Variants in CBFA2T3 observed in about 807,000 individuals in gnomAD.
The protein encoded by CBFA2T3 is CBFA2/RUNX1 partner transcriptional co-repressor 3, also known as transcriptional corepressor CBFA2T3.
In CBFA2T3, 31 loss-of-function variants were observed where a neutral mutation model predicts 58.6. That is an observed-to-expected ratio of 0.53 (90% CI 0.40 to 0.71). CBFA2T3 has a LOEUF of 0.71. CBFA2T3 is among the 30% of genes least tolerant of loss of function. CBFA2T3 has a pLI of 0.00. For missense variants in CBFA2T3, 1,076 were observed against 963.1 expected (o/e 1.12, Z -1.55); for synonymous variants, 531 against 421.9 (o/e 1.26, Z -3.17).
chr16:88,901,093 C>T (rs770260338), intron 2 of CBFA2T3, among the ~76,000 whole-genome samples: 1 of 152,262 alleles, frequency 6.6e-6, no homozygotes, highest in Non-Finnish European at 1.5e-5. Context: ...TGCGGAAGCC[C>T]CTGACCCCAT....
At chr16:88,959,854 C>T (rs1972317227) in intron 1 of CBFA2T3, among the ~76,000 whole-genome samples, 1 of 152,034 alleles carries the variant, frequency 6.6e-6, no homozygotes, top group Non-Finnish European at 1.5e-5. Flanking sequence ...GGTGAAACTC[C>T]ATCTCTACTA....
At chr16:88,917,515 T>C (rs1463719193) in intron 1 of CBFA2T3, among the ~76,000 whole-genome samples, 1 of 152,194 alleles carries the variant, frequency 6.6e-6, no homozygotes, top group East Asian at 1.9e-4. Context: ...TGTTAGGATT[T>C]TCCACCAATG....
At chr16:88,919,653 C>G (rs1441760044) in intron 1 of CBFA2T3, among the ~76,000 whole-genome samples, 1 of 152,212 alleles carries the variant, frequency 6.6e-6, no homozygotes, top group Non-Finnish European at 1.5e-5. Flanking sequence ...CCACCCAGAG[C>G]AGCCTCTCCG....
At chr16:88,899,610 A>C (rs759963302) in intron 2 of CBFA2T3, among the ~76,000 whole-genome samples, 25 of 151,978 alleles carry the variant, frequency 1.6e-4, no homozygotes, top group Non-Finnish European at 2.5e-4. Flanking sequence ...CGCTCTGCTG[A>C]TCCCAACCCA....
At chr16:88,908,905 C>T (rs755511599) in intron 1 of CBFA2T3, among the ~76,000 whole-genome samples, 32 of 152,226 alleles carry the variant, frequency 2.1e-4, no homozygotes, top group Non-Finnish European at 4.6e-4. Flanking sequence ...CACCTCATTT[C>T]GTGCCCCCGA....
intron 1 of CBFA2T3, among the ~76,000 whole-genome samples, chr16:88,926,427 G>T (rs1345575724): frequency 6.6e-6 from 1 of 152,212 alleles, no homozygotes; most frequent in Non-Finnish European, 1.5e-5. Context: ...CAAAATGTCG[G>T]TGTCTGCTCA....
chr16:88,891,823 T>C, intron 5 of CBFA2T3, 59 bp downstream of exon 5: 3 of 1,182,146 alleles, frequency 2.5e-6, no homozygotes, highest in Admixed American at 3.6e-5. Flanking sequence ...TGGCAAGGAG[T>C]GGGATTAAGG....
intron 1 of CBFA2T3, among the ~76,000 whole-genome samples, chr16:88,936,188 G>T (rs370077803): frequency 3.3e-5 from 5 of 152,282 alleles, no homozygotes; most frequent in African/African-American, 1.2e-4. Flanking sequence ...GTGTGACCTG[G>T]GGCCACCAGG....
chr16:88,930,881 G>C (rs1052608455), intron 1 of CBFA2T3, among the ~76,000 whole-genome samples: 45 of 151,398 alleles, frequency 3.0e-4, no homozygotes, highest in Non-Finnish European at 1.6e-4. Context: ...GGCAGTGGGA[G>C]TGGGGTTTCC....
At chr16:88,936,027 C>T (rs1047952819) in intron 1 of CBFA2T3, among the ~76,000 whole-genome samples, 2 of 152,150 alleles carry the variant, frequency 1.3e-5, no homozygotes, top group South Asian at 2.1e-4. Flanking sequence ...GCTGCAGTCA[C>T]CCCTGGCCCT....
intron 1 of CBFA2T3, chr16:88,941,313 T>C (rs1424284840): frequency 1.3e-5 from 4 of 297,942 alleles, no homozygotes; most frequent in Non-Finnish European, 2.0e-5. Flanking sequence ...CCGCCGCGCC[T>C]GTGGCTCCAA....
chr16:88,905,676 T>A (rs1567597352), intron 1 of CBFA2T3, among the ~76,000 whole-genome samples: 1 of 120,566 alleles, frequency 8.3e-6, no homozygotes, highest in Admixed American at 8.5e-5. Flanking sequence ...GAGGTGGGGC[T>A]GAAGGAGGGG....
intron 1 of CBFA2T3, among the ~76,000 whole-genome samples, chr16:88,916,016 G>A (rs111445102): frequency 0.064 from 9,803 of 152,168 alleles, 722 homozygotes; most frequent in African/African-American, 0.18. Context: ...ATGGGTGTGT[G>A]TCCGTGTGTA....
At position 88,885,040 on chromosome 16, in the gene CBFA2T3, G is replaced by A. The variant is rs377342150; in HGVS notation, c.1117+6C>T. On this transcript the variant is annotated splice_donor_region_variant and intron_variant, in intron 7 of 11. Coordinates refer to ENST00000268679, the MANE Select transcript of CBFA2T3 (RefSeq NM_005187.6). This position sits in a 1 kb window ranked among gnomAD's most constrained non-coding sequence, Gnocchi z 5.3. ...GTCCACGCTCCCGCCCCACCGGGCT[G>A]CTCACCAAGCGGCCGATGGCGCTCT... 50 of 1,591,380 alleles carry A rather than the reference G, an allele frequency of 3.1e-5. No homozygotes were observed. In the African/African-American group the frequency reaches 5.5e-4, roughly 17 times the overall value.
chr16:88,959,648 C>T (rs1567635463), intron 1 of CBFA2T3, among the ~76,000 whole-genome samples: 1 of 152,196 alleles, frequency 6.6e-6, no homozygotes, highest in African/African-American at 2.4e-5. Context: ...CCCTCCTTTT[C>T]CTCCTCCTTC....
At chr16:88,952,135 C>T (rs1040827613) in intron 1 of CBFA2T3, among the ~76,000 whole-genome samples, 7 of 152,126 alleles carry the variant, frequency 4.6e-5, no homozygotes, top group Admixed American at 1.3e-4. Context: ...TGGGAACAGG[C>T]TCGCTACTAT....
chr16:88,963,068 C>G (rs1479626119), intron 1 of CBFA2T3, among the ~76,000 whole-genome samples: 1 of 152,160 alleles, frequency 6.6e-6, no homozygotes, highest in Non-Finnish European at 1.5e-5. Context: ...GCCAGGGGCC[C>G]TGGGCAGATG....
chr16:88,948,035 AG>A (rs772849973), intron 1 of CBFA2T3, among the ~76,000 whole-genome samples: 1 of 152,232 alleles, frequency 6.6e-6, no homozygotes, highest in East Asian at 1.9e-4. Context: ...AGAAAAAGAC[AG>A]GATTTGACAT....
chr16:88,943,709 A>G (rs964392148), intron 1 of CBFA2T3, among the ~76,000 whole-genome samples: 8 of 152,136 alleles, frequency 5.3e-5, no homozygotes, highest in African/African-American at 1.9e-4. Context: ...CCCATTTTAC[A>G]GGTGGAGAGG....
Sources: gnomAD v4.1 joint callset for allele counts (sites outside exome capture counted in the v4.1 genomes callset) on GRCh38, gnomAD v4.1.1 for gene constraint, Gnocchi (gnomAD v3.1) non-coding constraint, MANE v1.5 for transcripts, NCBI Gene and HGNC (gene_info 2026-07-23, HGNC 2026-07-21) for gene names.